RANBP9: variants seen among roughly 807,000 people sequenced by gnomAD.
RANBP9 encodes ran-binding protein 9.
RANBP9 carries 15 observed loss-of-function variants against 84.3 expected under a neutral mutation model. The observed-to-expected ratio is 0.18, with a 90% CI of 0.12 to 0.27. The LOEUF (loss-of-function observed/expected upper bound fraction) is 0.27. Ranked by LOEUF, RANBP9 falls within the 10% of genes least tolerant of loss-of-function variation. The pLI is 1.00. For synonymous variants in RANBP9, 392 were observed against 349.6 expected, an observed-to-expected ratio of 1.12 and a Z score of -1.35; for missense variants, 809 against 912.8, an observed-to-expected ratio of 0.89 and a Z score of 1.46.
rs73358346 is a variant in RANBP9 at position 13,656,518 on chromosome 6, T to C, written c.904+591A>G. The stretch of plus-strand genomic sequence containing the variant: ...TCTTAACTTACTATTAGTCTTACAA[T>C]GTATGGGTTTCAAGTTTTCCATAAC... On this transcript the variant is annotated intron_variant, in intron 4 of 13. Coordinates refer to ENST00000011619, the MANE Select transcript of RANBP9 (RefSeq NM_005493.3). Among the ~76,000 whole-genome samples the C allele has an allele frequency of 5.3e-3, 805 of 152,340 alleles. 4 individuals carry two copies. Among genetic ancestry groups the C allele is most frequent in the African/African-American group, 0.018 (767 of 41,590 alleles).
chr6:13,681,849 C>T (rs536680130), intron 2 of RANBP9, among the ~76,000 whole-genome samples: 1 of 152,106 alleles, frequency 6.6e-6, no homozygotes, highest in African/African-American at 2.4e-5. Flanking sequence ...CGTGAACCTT[C>T]TGTGAAGTGC....
At chr6:13,651,755 C>A (rs1265986082) in intron 5 of RANBP9, among the ~76,000 whole-genome samples, 1 of 152,040 alleles carries the variant, frequency 6.6e-6, no homozygotes, top group Non-Finnish European at 1.5e-5. Context: ...GAAGTCCTAT[C>A]ATGACAAATA....
At chr6:13,660,227 A>G (rs1305111611) in intron 2 of RANBP9, among the ~76,000 whole-genome samples, 1 of 152,216 alleles carries the variant, frequency 6.6e-6, no homozygotes, top group Non-Finnish European at 1.5e-5. Context: ...GCAATCTTTC[A>G]GATAGGCACA....
At chr6:13,704,794 C>T (rs2013872) in intron 1 of RANBP9, among the ~76,000 whole-genome samples, 2 of 152,076 alleles carry the variant, frequency 1.3e-5, no homozygotes, top group East Asian at 3.8e-4. Context: ...TCCCTTTCTC[C>T]TATATCCTAC....
At chr6:13,680,505 A>G (rs1176910654) in intron 2 of RANBP9, among the ~76,000 whole-genome samples, 1 of 152,136 alleles carries the variant, frequency 6.6e-6, no homozygotes, top group Admixed American at 6.5e-5. Context: ...TGGGAAGCTG[A>G]GGTGGGAAGA....
intron 2 of RANBP9, among the ~76,000 whole-genome samples, chr6:13,664,335 G>A (rs1198828750): frequency 6.6e-6 from 1 of 152,042 alleles, no homozygotes; most frequent in African/African-American, 2.4e-5. Context: ...ATCACTTTGG[G>A]AAATCTTAAA....
chr6:13,667,339 T>A (rs1465262862), intron 2 of RANBP9, among the ~76,000 whole-genome samples: 1 of 152,236 alleles, frequency 6.6e-6, no homozygotes, highest in Non-Finnish European at 1.5e-5. Context: ...CCATTATTAG[T>A]TTTCTGCTAT....
At chr6:13,633,689 G>A (rs1322877973) in intron 11 of RANBP9, among the ~76,000 whole-genome samples, 1 of 152,172 alleles carries the variant, frequency 6.6e-6, no homozygotes, top group Non-Finnish European at 1.5e-5. Flanking sequence ...TGATATTGAA[G>A]AGTAAAACAA....
chr6:13,622,282 A>C lies in RANBP9; in HGVS notation c.*80T>G. On this transcript the variant is annotated 3_prime_UTR_variant, in exon 14 of 14. Transcript: ENST00000011619. ...CCCCAGTACATAATTTAAAAAATCT[A>C]AATTTCAAATCAGCAGAGCTGGTCT... 7.5e-7 allele frequency: 1 copy of C among 1,336,988 alleles called. No homozygotes were observed. The allele number at this position is 1,336,988 out of a possible 1,614,324, so 82.8% of individuals were successfully genotyped here.
chr6:13,703,938 C>A (rs1344965371), intron 1 of RANBP9, among the ~76,000 whole-genome samples: 1 of 152,164 alleles, frequency 6.6e-6, no homozygotes, highest in African/African-American at 2.4e-5. Context: ...GTCTCCTTCA[C>A]AATCATTATT....
At chr6:13,654,566 T>C (rs186375851) in intron 4 of RANBP9, among the ~76,000 whole-genome samples, 344 of 152,300 alleles carry the variant, frequency 2.3e-3, no homozygotes, top group African/African-American at 7.8e-3. Flanking sequence ...TATTTAACAG[T>C]ATTTTATCTT....
At position 13,658,871 on chromosome 6, in the gene RANBP9, A is replaced by G. The variant is rs761907404; in HGVS notation, c.684-39T>C. 3 of 1,501,084 alleles carry G rather than the reference A, an allele frequency of 2.0e-6. No homozygotes were observed. In the South Asian group the frequency reaches 3.4e-5, roughly 17 times the overall value. 93.0% of individuals were successfully genotyped at this position (1,501,084 alleles called of 1,614,324 possible). ...TTGGGGGAGAGAAGAAAAGGACATT[A>G]TTACAGTCATATATGTATAAATTAC... On this transcript the variant is annotated intron_variant, in intron 2 of 13. Coordinates refer to ENST00000011619, the MANE Select transcript of RANBP9 (RefSeq NM_005493.3).
chr6:13,705,677 C>T (rs536729298), intron 1 of RANBP9, among the ~76,000 whole-genome samples: 1 of 150,470 alleles, frequency 6.6e-6, no homozygotes, highest in East Asian at 2.0e-4. Context: ...CTGACTAACT[C>T]GGTGAAACCC....
intron 10 of RANBP9, 62 bp downstream of exon 10, chr6:13,637,746 A>G: frequency 7.2e-7 from 1 of 1,391,462 alleles, no homozygotes; most frequent in South Asian, 1.6e-5. Flanking sequence ...CAAAATTATT[A>G]CAACGATTAC....
chr6:13,683,524 A>T (rs1171172830), intron 2 of RANBP9, among the ~76,000 whole-genome samples: 5 of 152,120 alleles, frequency 3.3e-5, no homozygotes, highest in African/African-American at 1.2e-4. Flanking sequence ...AATTTTTTTT[A>T]ATCTCTCATG....
intron 5 of RANBP9, among the ~76,000 whole-genome samples, chr6:13,652,134 T>G (rs922507709): frequency 2.0e-5 from 3 of 152,182 alleles, no homozygotes; most frequent in African/African-American, 7.2e-5. Context: ...CCATTCTCTG[T>G]TTTTTCCCTT....
intron 2 of RANBP9, among the ~76,000 whole-genome samples, chr6:13,676,956 G>C (rs994152396): frequency 6.6e-6 from 1 of 152,128 alleles, no homozygotes; most frequent in African/African-American, 2.4e-5. Flanking sequence ...CAGGAAAAAG[G>C]CAGAGGTATT....
chr6:13,693,994 G>A (rs1766384806), intron 2 of RANBP9, among the ~76,000 whole-genome samples: 1 of 152,124 alleles, frequency 6.6e-6, no homozygotes, highest in African/African-American at 2.4e-5. Context: ...AGTGAGCCAA[G>A]ACTGCACCAC....
At chr6:13,680,471 T>C (rs1244094723) in intron 2 of RANBP9, among the ~76,000 whole-genome samples, 1 of 152,028 alleles carries the variant, frequency 6.6e-6, no homozygotes, top group Non-Finnish European at 1.5e-5. Flanking sequence ...GGTACAGTGG[T>C]TCATGCGTGT....
Sources: allele counts gnomAD v4.1 joint callset (sites outside exome capture counted in the v4.1 genomes callset), GRCh38; gene constraint gnomAD v4.1.1; transcripts MANE v1.5; gene names NCBI Gene and HGNC (gene_info 2026-07-23, HGNC 2026-07-21).